RNF180: variants seen among roughly 807,000 people sequenced by gnomAD.
The protein encoded by RNF180 is ring finger protein 180.
In RNF180, 38 loss-of-function variants were observed where a neutral mutation model predicts 59.2. The observed-to-expected ratio is 0.64, with a 90% CI of 0.50 to 0.84. The LOEUF is 0.84. RNF180 is among the 40% of genes least tolerant of loss of function. The pLI is 0.00. For missense variants in RNF180, 705 were observed against 700.9 expected (o/e 1.01, Z -0.07); for synonymous variants, 262 against 240.3 (o/e 1.09, Z -0.84).
At chr5:64,345,464 AC>A (rs1442252676) in intron 7 of RNF180, among the ~76,000 whole-genome samples, 1 of 152,124 alleles carries the variant, frequency 6.6e-6, no homozygotes, top group Admixed American at 6.6e-5. Flanking sequence ...TACCATAATA[AC>A]CCCAACACTG....
chr5:64,286,380 A>C (rs1438133068), intron 5 of RNF180, among the ~76,000 whole-genome samples: 1 of 152,240 alleles, frequency 6.6e-6, no homozygotes, highest in Non-Finnish European at 1.5e-5. Flanking sequence ...GAAGACTTGA[A>C]GATTAAATTT....
intron 7 of RNF180, among the ~76,000 whole-genome samples, chr5:64,366,383 T>C (rs1324475529): frequency 6.6e-6 from 1 of 151,554 alleles, no homozygotes; most frequent in Non-Finnish European, 1.5e-5. Context: ...TCTAGCTGCC[T>C]TTAACACTTT....
intron 5 of RNF180, among the ~76,000 whole-genome samples, chr5:64,259,813 C>T (rs906558684): frequency 4.6e-5 from 7 of 151,822 alleles, no homozygotes; most frequent in African/African-American, 7.3e-5. Flanking sequence ...CCCAGCTACT[C>T]GGGAGGCTGA....
At position 64,200,689 on chromosome 5, in the gene RNF180, TTAA is replaced by T. The variant is rs887280270; in HGVS notation, c.1-115_1-113del. ...TAAGACCTGATAACTGGTAGGTACC[TTAA>T]TAAATGATAGTTCCCTGCTTTACTG... On this transcript the variant is annotated intron_variant, in intron 1 of 7. Transcript: ENST00000389100. 1.0e-5 allele frequency: 8 copies of T among 791,648 alleles called. No homozygotes were observed. The East Asian group carries it at 2.1e-4, about 21-fold the overall frequency. 49.0% of individuals were successfully genotyped at this position (791,648 alleles called of 1,614,324 possible). A position where few individuals can be genotyped will look rare whatever the true frequency, so the allele number is the denominator to read the frequency against.
chr5:64,253,830 C>T (rs1580118513), intron 5 of RNF180, among the ~76,000 whole-genome samples: 1 of 152,180 alleles, frequency 6.6e-6, no homozygotes, highest in South Asian at 2.1e-4. Context: ...GCATATTAAA[C>T]TTTTAAACAA....
chr5:64,167,665 A>G (rs1032729960), intron 1 of RNF180, among the ~76,000 whole-genome samples: 5 of 152,210 alleles, frequency 3.3e-5, no homozygotes, highest in African/African-American at 1.2e-4. Context: ...TGACATAGCT[A>G]CCTGAATGAT....
intron 5 of RNF180, among the ~76,000 whole-genome samples, chr5:64,284,707 C>T (rs1490377072): frequency 1.3e-5 from 2 of 152,070 alleles, no homozygotes; most frequent in Admixed American, 6.5e-5. Flanking sequence ...TTAAAAGGGC[C>T]ATTTCATCTT....
chr5:64,211,744 A>G (rs929571397), intron 2 of RNF180, among the ~76,000 whole-genome samples: 4 of 152,198 alleles, frequency 2.6e-5, no homozygotes, highest in Non-Finnish European at 5.9e-5. Context: ...CATGAAAGAC[A>G]CTATTTTGTC....
intron 1 of RNF180, among the ~76,000 whole-genome samples, chr5:64,190,743 A>G (rs1299482934): frequency 2.0e-5 from 3 of 152,210 alleles, no homozygotes; most frequent in Non-Finnish European, 4.4e-5. Flanking sequence ...CCAGAAGTAC[A>G]CATGCACAGA....
At chr5:64,344,421 G>C (rs1745474466) in intron 7 of RNF180, among the ~76,000 whole-genome samples, 2 of 152,050 alleles carry the variant, frequency 1.3e-5, no homozygotes, top group African/African-American at 4.8e-5. Flanking sequence ...GCAACTTAAA[G>C]TTTCAAAATA....
At chr5:64,275,314 AATTCTCTAAATCTT>A (rs561226988) in intron 5 of RNF180, among the ~76,000 whole-genome samples, 244 of 139,888 alleles carry the variant, frequency 1.7e-3, no homozygotes, top group African/African-American at 5.8e-3. Flanking sequence ...TAAGATATAG[AATTCTCTAAATCTT>A]ATTCTCTAAA....
At chr5:64,320,872 A>G (rs1378885330) in intron 5 of RNF180, among the ~76,000 whole-genome samples, 1 of 152,100 alleles carries the variant, frequency 6.6e-6, no homozygotes, top group African/African-American at 2.4e-5. Flanking sequence ...CCCTGTCTCT[A>G]CTAAAAATAC....
At chr5:64,194,354 A>G (rs555948408) in intron 1 of RNF180, among the ~76,000 whole-genome samples, 34 of 152,308 alleles carry the variant, frequency 2.2e-4, no homozygotes, top group African/African-American at 6.7e-4. Context: ...TTATGGCTGC[A>G]TAGTATTCCA....
At chr5:64,210,097 T>TA (rs958033446) in intron 2 of RNF180, among the ~76,000 whole-genome samples, 1 of 152,164 alleles carries the variant, frequency 6.6e-6, no homozygotes, top group African/African-American at 2.4e-5. Context: ...AATCAAACAC[T>TA]AAAAAAAGAT....
At chr5:64,278,586 A>C (rs1383993713) in intron 5 of RNF180, among the ~76,000 whole-genome samples, 3 of 152,182 alleles carry the variant, frequency 2.0e-5, no homozygotes, top group Non-Finnish European at 4.4e-5. Context: ...TGGCTAGTGA[A>C]ATGTAGAAAG....
chr5:64,231,472 A>G (rs1418756793), intron 5 of RNF180, among the ~76,000 whole-genome samples: 1 of 152,212 alleles, frequency 6.6e-6, no homozygotes, highest in Non-Finnish European at 1.5e-5. Flanking sequence ...TTTATCCTCA[A>G]ATGGTGCAAA....
At chr5:64,295,444 A>G (rs1158958844) in intron 5 of RNF180, among the ~76,000 whole-genome samples, 1 of 152,224 alleles carries the variant, frequency 6.6e-6, no homozygotes. Context: ...GCCTCAGAAG[A>G]TAAATTATTC....
intron 1 of RNF180, among the ~76,000 whole-genome samples, chr5:64,178,731 G>A (rs546652060): frequency 6.6e-6 from 1 of 152,162 alleles, no homozygotes; most frequent in Admixed American, 6.5e-5. Flanking sequence ...CTTGTACAGT[G>A]CATAGGTAGA....
chr5:64,302,485 G>A (rs1743210585), intron 5 of RNF180, among the ~76,000 whole-genome samples: 1 of 151,360 alleles, frequency 6.6e-6, no homozygotes, highest in Non-Finnish European at 1.5e-5. Flanking sequence ...GTCTTTTTAG[G>A]GCTGAGAAAC....
Sources: allele counts gnomAD v4.1 joint callset (sites outside exome capture counted in the v4.1 genomes callset), GRCh38; gene constraint gnomAD v4.1.1; transcripts MANE v1.5; gene names NCBI Gene and HGNC (gene_info 2026-07-23, HGNC 2026-07-21).